The following MTUS1 variants were observed in gnomAD, a reference collection of about 807,000 sequenced individuals.
The protein encoded by MTUS1 is microtubule-associated tumor suppressor 1.
In MTUS1, 109 loss-of-function variants were observed where a neutral mutation model predicts 120.8. That is an observed-to-expected ratio of 0.90 (90% confidence interval 0.77 to 1.06). MTUS1 has a LOEUF of 1.06. MTUS1 is among the 50% of genes least tolerant of loss of function. The pLI is 0.00. For missense variants in MTUS1, 2,210 were observed against 1,486.3 expected, an observed-to-expected ratio of 1.49 and a Z score of -8.01; for synonymous variants, 737 against 550.5, an observed-to-expected ratio of 1.34 and a Z score of -4.74.
chr8:17,645,197 T>G lies in MTUS1; in HGVS notation c.*729A>C, dbSNP rs951032873. 4 of 152,620 alleles carry G rather than the reference T, an allele frequency of 2.6e-5. No individual in the cohort carries two copies. Among genetic ancestry groups the G allele is most frequent in the African/African-American group, 9.7e-5 (4 of 41,446 alleles). The allele number at this position is 152,620 out of a possible 1,614,324, so 9.5% of individuals were successfully genotyped here. On this transcript the variant is annotated 3_prime_UTR_variant, in exon 15 of 15. Coordinates refer to ENST00000693296, the MANE Select transcript of MTUS1 (RefSeq NM_001363059.2). ...CAGAAAAATCTAGTTTCAACTGACATGGCTGAACACTGAAAAACTGCCAAG... is the reference window on the plus strand; with the variant it reads ...CAGAAAAATCTAGTTTCAACTGACAGGGCTGAACACTGAAAAACTGCCAAG...
chr8:17,698,121 A>C (rs1205001222), intron 6 of MTUS1, among the ~76,000 whole-genome samples: 1 of 152,248 alleles, frequency 6.6e-6, no homozygotes, highest in African/African-American at 2.4e-5. Flanking sequence ...GACCTCACAA[A>C]TAATCAACAG....
At chr8:17,697,357 G>C (rs1314318597) in intron 6 of MTUS1, 2 of 1,613,988 alleles carry the variant, frequency 1.2e-6, no homozygotes, top group East Asian at 2.2e-5. Flanking sequence ...TGGATAAGGA[G>C]AATTTGGGAG....
At chr8:17,666,645 A>G (rs553831770) in intron 8 of MTUS1, among the ~76,000 whole-genome samples, 202 of 152,264 alleles carry the variant, frequency 1.3e-3, no homozygotes, top group African/African-American at 4.7e-3. Flanking sequence ...TTTTCTTTGC[A>G]GGTAGCCAAA....
In MTUS1 at chr8:17,754,611, G is replaced by T. The variant is rs373722582; in HGVS notation, c.1197C>A (p.Ser399Arg). The T allele has an allele frequency of 2.5e-5, 40 of 1,614,032 alleles. No homozygotes were observed. The Admixed American group carries it at 6.7e-4, about 27-fold the overall frequency. ...QNHTSELILSSPPGQKVGSSF... is the reference protein window; with the variant it reads ...QNHTSELILSRPPGQKVGSSF... ...ACGAGCCCACCTTTTGTCCTGGCGG[G>T]CTACTTAGAATCAATTCTGAGGTAT... The change falls in exon 2 of 15, where the codon AGC (serine) becomes AGA (arginine). Residue 399 changes from serine to arginine, a missense_variant. Coordinates refer to ENST00000693296, the MANE Select transcript of MTUS1 (RefSeq NM_001363059.2).
chr8:17,691,561 A>T (rs1180837943), intron 6 of MTUS1, among the ~76,000 whole-genome samples: 1 of 152,244 alleles, frequency 6.6e-6, no homozygotes, highest in Non-Finnish European at 1.5e-5. Flanking sequence ...GGCTGAAAGG[A>T]AGAATCTGGA....
chr8:17,779,982 T>C (rs1468871426), intron 1 of MTUS1, among the ~76,000 whole-genome samples: 5 of 152,298 alleles, frequency 3.3e-5, no homozygotes, highest in Non-Finnish European at 7.4e-5. Context: ...TGGATGTGTG[T>C]CCCCTCCAAA....
intron 8 of MTUS1, among the ~76,000 whole-genome samples, chr8:17,671,481 C>G (rs1206329619): frequency 6.6e-6 from 1 of 152,158 alleles, no homozygotes; most frequent in African/African-American, 2.4e-5. Context: ...CAAAGGGACA[C>G]TTTTAAGAGT....
chr8:17,715,593 CAACT>C (rs1156307177), intron 5 of MTUS1, among the ~76,000 whole-genome samples, 170 bp downstream of exon 5: 1 of 152,162 alleles, frequency 6.6e-6, no homozygotes, highest in African/African-American at 2.4e-5. Flanking sequence ...TAGAACCTAC[CAACT>C]GTCAGAAAAA....
At chr8:17,767,836 T>C (rs148847795) in intron 1 of MTUS1, among the ~76,000 whole-genome samples, 73 of 151,852 alleles carry the variant, frequency 4.8e-4, no homozygotes, top group African/African-American at 1.7e-3. Flanking sequence ...CTGAGAGCAA[T>C]GGGAGTCTGC....
In MTUS1 at chr8:17,653,446, A is replaced by C; in HGVS notation, c.3267T>G (p.Ser1089=). 7 of 1,611,804 alleles carry C rather than the reference A, an allele frequency of 4.3e-6. No individual in the cohort carries two copies. Among genetic ancestry groups the C allele is most frequent in the Non-Finnish European group, 5.9e-6 (7 of 1,179,090 alleles). ...CCACCTCTAGCGATTCCTGCTTCTC[A>C]GAAAGTAAATCTTCAAGCGATTTCT... The part of the protein sequence containing the change: ...IEKKSLEDLL[S]EKQESLEKQI... Residue 1089 remains serine (S), a synonymous_variant, in exon 11 of 15, where the codon TCT becomes TCG. Coordinates refer to ENST00000693296, the MANE Select transcript of MTUS1 (RefSeq NM_001363059.2).
At chr8:17,791,104 G>A (rs538875673) in intron 1 of MTUS1, among the ~76,000 whole-genome samples, 1 of 152,132 alleles carries the variant, frequency 6.6e-6, no homozygotes, top group African/African-American at 2.4e-5. Flanking sequence ...CTGGGTGTGG[G>A]AAATGGACCG....
intron 8 of MTUS1, among the ~76,000 whole-genome samples, chr8:17,670,649 C>T (rs568563691): frequency 1.3e-5 from 2 of 151,990 alleles, no homozygotes; most frequent in Non-Finnish European, 2.9e-5. Context: ...ATGGTGAATC[C>T]CTGTCTCTAC....
At chr8:17,672,526 G>T (rs1812241043) in intron 8 of MTUS1, among the ~76,000 whole-genome samples, 1 of 152,186 alleles carries the variant, frequency 6.6e-6, no homozygotes, top group Non-Finnish European at 1.5e-5. Context: ...GTCAAAGTTA[G>T]TTTCATGCTG....
In MTUS1 at chr8:17,677,752, T is replaced by C. The variant is rs1349999536; in HGVS notation, c.2839-2500A>G. Among the ~76,000 whole-genome samples the C allele has an allele frequency of 2.6e-5, 4 of 152,190 alleles. No homozygotes were observed. In the South Asian group the frequency reaches 6.2e-4, roughly 24 times the overall value. Reference sequence around the variant, plus strand: ...CAGTAACAGGAAAACCTTGAGGTCATCTTTCACTCTTTGTCTAAATGGGTT... The same window carrying C: ...CAGTAACAGGAAAACCTTGAGGTCACCTTTCACTCTTTGTCTAAATGGGTT... On this transcript the variant is annotated intron_variant, in intron 7 of 14. Coordinates refer to ENST00000693296, the MANE Select transcript of MTUS1 (RefSeq NM_001363059.2).
intron 1 of MTUS1, among the ~76,000 whole-genome samples, chr8:17,780,617 C>T (rs2131519241): frequency 6.6e-6 from 1 of 152,306 alleles, no homozygotes; most frequent in Non-Finnish European, 1.5e-5. Context: ...CTTCAAAATA[C>T]ATTTCAAAAG....
chr8:17,733,941 C>T (rs1450226318), intron 3 of MTUS1, among the ~76,000 whole-genome samples: 1 of 152,186 alleles, frequency 6.6e-6, no homozygotes, highest in Non-Finnish European at 1.5e-5. Flanking sequence ...CCAAGCCTGG[C>T]CCCTACCTAT....
intron 13 of MTUS1, 101 bp downstream of exon 13, chr8:17,649,745 T>C: frequency 2.9e-6 from 2 of 699,070 alleles, no homozygotes; most frequent in Non-Finnish European, 5.1e-6. Flanking sequence ...TAAATATCTT[T>C]AGGAGCAGTT....
chr8:17,656,119 C>G, intron 8 of MTUS1, 54 bp from the exon 9 acceptor site: 1 of 1,517,638 alleles, frequency 6.6e-7, no homozygotes, highest in Non-Finnish European at 9.1e-7. Flanking sequence ...GTGAAATGTC[C>G]TATATTCATT....
chr8:17,665,858 C>A (rs1010249755), intron 8 of MTUS1, among the ~76,000 whole-genome samples: 1 of 151,286 alleles, frequency 6.6e-6, no homozygotes, highest in Non-Finnish European at 1.5e-5. Context: ...AATGACCTTT[C>A]CCCCCCTATA....
Sources: allele counts gnomAD v4.1 joint callset (sites outside exome capture counted in the v4.1 genomes callset), GRCh38; gene constraint gnomAD v4.1.1; transcripts MANE v1.5; gene names NCBI Gene and HGNC (gene_info 2026-07-23, HGNC 2026-07-21).